The following PLEKHM3 variants were observed in gnomAD, a reference collection of about 807,000 sequenced individuals.
PLEKHM3 encodes pleckstrin homology domain-containing family M member 3.
In PLEKHM3, 45 loss-of-function variants were observed where a neutral mutation model predicts 81.8. The ratio of observed to expected loss-of-function variants is 0.55; its 90% CI spans 0.43 to 0.71. The LOEUF (loss-of-function observed/expected upper bound fraction) is 0.71. Ranked by LOEUF, PLEKHM3 falls within the 30% of genes least tolerant of loss-of-function variation. The probability of loss-of-function intolerance (pLI) is 0.00; values close to 1 mark genes in which losing one functional copy is unlikely to be tolerated. For missense variants in PLEKHM3, 788 were observed against 924.3 expected, an observed-to-expected ratio of 0.85 and a Z score of 1.91; for synonymous variants, 352 against 356.4, an observed-to-expected ratio of 0.99 and a Z score of 0.14.
intron 3 of PLEKHM3, among the ~76,000 whole-genome samples, chr2:207,972,772 C>T (rs1244364825): frequency 1.3e-5 from 2 of 152,106 alleles, no homozygotes; most frequent in East Asian, 3.8e-4. Context: ...TAACCTCAGG[C>T]ATTTTTGCAT....
At chr2:207,829,080 T>C (rs562946571) in intron 7 of PLEKHM3, among the ~76,000 whole-genome samples, 1 of 152,312 alleles carries the variant, frequency 6.6e-6, no homozygotes, top group South Asian at 2.1e-4. Flanking sequence ...ACTCCTACCT[T>C]TGTAAGTCTA....
chr2:207,828,275 T>C lies in PLEKHM3; in HGVS notation c.*44A>G, dbSNP rs1272324637. On this transcript the variant is annotated 3_prime_UTR_variant, in exon 8 of 8. Transcript: ENST00000427836. ...AGTTAGGAGGCCGCTCTGGGGCTGA[T>C]GGATTGTTGATTGGTGAATCCCTGG... 2 of 1,580,662 alleles carry C rather than the reference T, an allele frequency of 1.3e-6. No individual in the cohort carries two copies. The highest frequency in any genetic ancestry group is 2.7e-5 in the African/African-American group (2 of 74,112).
intron 6 of PLEKHM3, among the ~76,000 whole-genome samples, chr2:207,878,996 T>C (rs1171179110): frequency 6.6e-6 from 1 of 152,178 alleles, no homozygotes; most frequent in East Asian, 1.9e-4. Context: ...CATGTACTCA[T>C]ATTCTGCTCT....
chr2:207,896,378 A>ACG (rs1553550629), intron 6 of PLEKHM3, among the ~76,000 whole-genome samples: 184 of 151,560 alleles, frequency 1.2e-3, no homozygotes, highest in Middle Eastern at 3.4e-3. Flanking sequence ...AAGATGCCAT[A>ACG]CATCTTTAAC....
At chr2:207,877,610 T>C (rs1368621966) in intron 6 of PLEKHM3, among the ~76,000 whole-genome samples, 1 of 152,250 alleles carries the variant, frequency 6.6e-6, no homozygotes, top group Non-Finnish European at 1.5e-5. Flanking sequence ...GACTAGCTTA[T>C]GTAAACTGAG....
intron 2 of PLEKHM3, among the ~76,000 whole-genome samples, chr2:207,982,211 TCCTCCCTCCCTCCCTCCCTCACTCCCCC>T (rs1226933311): frequency 1.4e-5 from 2 of 143,468 alleles, no homozygotes; most frequent in Non-Finnish European, 3.0e-5. Flanking sequence ...CTTCCTTCGT[TCCTCCCTCCCTCCCTCCCTCACTCCCCC>T]CCTCGCTCCC....
At chr2:207,898,056 G>A (rs1688282411) in intron 6 of PLEKHM3, among the ~76,000 whole-genome samples, 1 of 152,160 alleles carries the variant, frequency 6.6e-6, no homozygotes. Context: ...AAGGGTTTGG[G>A]ATGGGGTCTG....
At chr2:207,972,586 CAAAA>C (rs35602924) in intron 3 of PLEKHM3, among the ~76,000 whole-genome samples, 1 of 59,602 alleles carries the variant, frequency 1.7e-5, no homozygotes, top group Non-Finnish European at 3.6e-5. Flanking sequence ...GACTCCGTCT[CAAAA>C]AAAAAAAAAA....
At chr2:207,923,896 TATATA>T (rs1689283289) in intron 5 of PLEKHM3, among the ~76,000 whole-genome samples, 1 of 84,996 alleles carries the variant, frequency 1.2e-5, no homozygotes, top group Non-Finnish European at 2.4e-5. Context: ...TATATATATA[TATATA>T]TATATTTTTT....
At position 207,976,506 on chromosome 2, in the gene PLEKHM3, TA is replaced by T; in HGVS notation, c.1546+144del. ...AGTAATTTAATATAGGATGTTTTAA[TA>T]CAGTAAGCTTCTCGAGGAGAGATAC... is the stretch of plus-strand genomic sequence containing the variant. On this transcript the variant is annotated intron_variant, in intron 3 of 7. Transcript: ENST00000427836. The surrounding 1 kb of genome is among the most constrained non-coding windows in gnomAD (Gnocchi z 4.1). 1 of 758,312 alleles carries T rather than the reference TA, an allele frequency of 1.3e-6. No homozygotes were observed. The highest frequency in any genetic ancestry group is 2.1e-6 in the Non-Finnish European group (1 of 481,346). 47.0% of individuals were successfully genotyped at this position (758,312 alleles called of 1,614,324 possible). A position where few individuals can be genotyped will look rare whatever the true frequency, so the allele number is the denominator to read the frequency against.
intron 1 of PLEKHM3, among the ~76,000 whole-genome samples, chr2:208,015,771 ACACT>A (rs1319541329): frequency 9.2e-5 from 14 of 152,284 alleles, no homozygotes; most frequent in African/African-American, 3.1e-4. Flanking sequence ...ATAAATAGAA[ACACT>A]TGTAAAAATG....
intron 7 of PLEKHM3, among the ~76,000 whole-genome samples, chr2:207,833,394 T>C (rs922470062): frequency 6.6e-6 from 1 of 152,198 alleles, no homozygotes; most frequent in Non-Finnish European, 1.5e-5. Flanking sequence ...TGGATGTTGC[T>C]GTACATCACA....
At position 207,828,305 on chromosome 2, in the gene PLEKHM3, C is replaced by G; in HGVS notation, c.*14G>C. The G allele has an allele frequency of 4.4e-6, 7 of 1,600,340 alleles. No homozygotes were observed. Among genetic ancestry groups the G allele is most frequent in the Non-Finnish European group, 6.0e-6 (7 of 1,171,992 alleles). ...TGTTGATTGGTGAATCCCTGGCCTT[C>G]GGGTCGGCTGGAGTCAGGTGTTCTG... On this transcript the variant is annotated 3_prime_UTR_variant, in exon 8 of 8. Transcript: ENST00000427836.
rs534987558 is a variant in PLEKHM3 at position 207,974,362 on chromosome 2, G to A, written c.1546+2289C>T. 1.4e-4 allele frequency among the ~76,000 whole-genome samples: 21 copies of A among 152,258 alleles called. No homozygotes were observed. The South Asian group carries it at 3.5e-3, about 26-fold the overall frequency. On this transcript the variant is annotated intron_variant, in intron 3 of 7. Transcript: ENST00000427836. ...TCCTCTTGAGTGTCAGGAATGCTACGAATGCAGTGCAGAGCATGGGCAGTG... is the reference window on the plus strand; with the variant it reads ...TCCTCTTGAGTGTCAGGAATGCTACAAATGCAGTGCAGAGCATGGGCAGTG...
intron 6 of PLEKHM3, among the ~76,000 whole-genome samples, chr2:207,904,533 T>C (rs1688542561): frequency 6.6e-6 from 1 of 152,236 alleles, no homozygotes; most frequent in Non-Finnish European, 1.5e-5. Context: ...ATTCAATCAC[T>C]GGTCAAACAA....
At chr2:207,894,948 T>G (rs1365632154) in intron 6 of PLEKHM3, among the ~76,000 whole-genome samples, 1 of 152,152 alleles carries the variant, frequency 6.6e-6, no homozygotes, top group East Asian at 1.9e-4. Context: ...TATAGGGCTA[T>G]TGTGTGGATT....
At chr2:207,967,736 T>C (rs1468710116) in intron 3 of PLEKHM3, among the ~76,000 whole-genome samples, 2 of 152,358 alleles carry the variant, frequency 1.3e-5, no homozygotes, top group African/African-American at 4.8e-5. Flanking sequence ...ACATTTACTA[T>C]GTGCCAGGCA....
chr2:207,931,971 TAACA>T (rs892713563), intron 4 of PLEKHM3, among the ~76,000 whole-genome samples: 2 of 152,192 alleles, frequency 1.3e-5, no homozygotes, highest in African/African-American at 4.8e-5. Flanking sequence ...AGACTCCATC[TAACA>T]AACAAACAAA....
intron 5 of PLEKHM3, among the ~76,000 whole-genome samples, chr2:207,913,131 T>A (rs1041342771): frequency 6.6e-6 from 1 of 151,910 alleles, no homozygotes; most frequent in Non-Finnish European, 1.5e-5. Flanking sequence ...AAAACAGGAC[T>A]AAGGAAGAGG....
Sources: allele counts gnomAD v4.1 joint callset (sites outside exome capture counted in the v4.1 genomes callset), GRCh38; gene constraint gnomAD v4.1.1; non-coding constraint Gnocchi (gnomAD v3.1); transcripts MANE v1.5; gene names NCBI Gene and HGNC (gene_info 2026-07-23, HGNC 2026-07-21).